MRRF: variants seen among roughly 807,000 people sequenced by gnomAD.
MRRF encodes ribosome-recycling factor, mitochondrial.
MRRF carries 18 observed loss-of-function variants against 25.1 expected under a neutral mutation model. The observed-to-expected ratio is 0.72, with a 90% CI of 0.50 to 1.06. The LOEUF (loss-of-function observed/expected upper bound fraction) is 1.06, where lower values mean the gene tolerates loss of function less well. Among genes scored for constraint, MRRF ranks in the 50% least tolerant of loss-of-function variants. MRRF has a pLI of 0.00. For missense variants in MRRF, 323 were observed against 319.3 expected, an observed-to-expected ratio of 1.01 and a Z score of -0.09; for synonymous variants, 113 against 112.1, an observed-to-expected ratio of 1.01 and a Z score of -0.05.
At chr9:122,319,257 TCTC>T (rs1835729196) in intron 6 of MRRF, among the ~76,000 whole-genome samples, 1 of 151,334 alleles carries the variant, frequency 6.6e-6, no homozygotes, top group Admixed American at 6.6e-5. Flanking sequence ...TTCACGCTGT[TCTC>T]CTGCCCCAGC....
Position 122,329,551 on chromosome 9 carries a change from C to T in MRRF, c.*6934C>T, listed in dbSNP as rs1267902373. The T allele has an allele frequency of 6.6e-6, 1 of 152,316 alleles. No individual in the cohort carries two copies. The highest frequency in any genetic ancestry group is 6.5e-5 in the Admixed American group (1 of 15,286). The allele number at this position is 152,316 out of a possible 1,614,324, so 9.4% of individuals were successfully genotyped here. A position where few individuals can be genotyped will look rare whatever the true frequency, so the allele number is the denominator to read the frequency against. On this transcript the variant is annotated 3_prime_UTR_variant, in exon 7 of 7. Transcript: ENST00000344641. ...GTTCAGCTACCCACCTGCGTTTCCT[C>T]TCTCAGGAAAAGCCTCACCATCCAC...
At chr9:122,285,065 A>G in intron 3 of MRRF, 104 bp from the exon 4 acceptor site, 1 of 757,918 alleles carries the variant, frequency 1.3e-6, no homozygotes. Context: ...CTGGGATAAC[A>G]GGCATGAGCC....
At chr9:122,320,306 G>T (rs944420577) in intron 6 of MRRF, among the ~76,000 whole-genome samples, 5 of 152,074 alleles carry the variant, frequency 3.3e-5, no homozygotes, top group African/African-American at 1.2e-4. Context: ...GTCAAAGTGG[G>T]GAAATGACCT....
chr9:122,289,551 C>T (rs996375247), intron 4 of MRRF, among the ~76,000 whole-genome samples: 4 of 151,148 alleles, frequency 2.6e-5, no homozygotes, highest in Non-Finnish European at 5.9e-5. Context: ...GAATGGACTA[C>T]CCCTTCACAA....
chr9:122,291,329 A>G (rs1833748635), intron 4 of MRRF, among the ~76,000 whole-genome samples: 1 of 152,218 alleles, frequency 6.6e-6, no homozygotes, highest in Admixed American at 6.5e-5. Context: ...TACTCATTCC[A>G]AATCGGCACT....
intron 2 of MRRF, 85 bp from the exon 3 acceptor site, chr9:122,280,358 G>C: frequency 7.0e-7 from 1 of 1,427,420 alleles, no homozygotes. Flanking sequence ...ATTTTTCCCT[G>C]TACATAGTAG....
intron 5 of MRRF, among the ~76,000 whole-genome samples, chr9:122,298,037 T>C (rs1834205878): frequency 6.6e-6 from 1 of 152,200 alleles, no homozygotes; most frequent in Admixed American, 6.5e-5. Flanking sequence ...TTTTTATACA[T>C]GAGCAAAGTC....
At chr9:122,287,259 C>T (rs964693579) in intron 4 of MRRF, among the ~76,000 whole-genome samples, 7 of 152,190 alleles carry the variant, frequency 4.6e-5, no homozygotes, top group Non-Finnish European at 7.3e-5. Context: ...GTAGGAATGT[C>T]TAATTTGCTC....
chr9:122,306,159 AATAATATTATTG>A lies in MRRF; in HGVS notation c.552-7063_552-7052del, dbSNP rs1488784041. 3.3e-4 allele frequency among the ~76,000 whole-genome samples: 50 copies of A among 152,302 alleles called. No individual in the cohort carries two copies. The South Asian group carries it at 0.01, about 31-fold the overall frequency. ...AGGAAACATCACAATTACTTTTATT[AATAATATTATTG>A]ATAACTTAAAATAGTTTATTACCTA... On this transcript the variant is annotated intron_variant, in intron 5 of 6. Transcript: ENST00000344641.
At chr9:122,305,138 C>G (rs766663722) in intron 5 of MRRF, among the ~76,000 whole-genome samples, 9 of 152,072 alleles carry the variant, frequency 5.9e-5, no homozygotes, top group Non-Finnish European at 1.2e-4. Flanking sequence ...TAGCTGGGCA[C>G]TCTCTCTCAC....
chr9:122,266,653 C>A (rs764455489), intron 1 of MRRF, among the ~76,000 whole-genome samples: 2 of 152,166 alleles, frequency 1.3e-5, no homozygotes, highest in Non-Finnish European at 2.9e-5. Flanking sequence ...TATACAGCTG[C>A]ATTGAAAAGA....
rs66775611 is a variant in MRRF at position 122,304,062 on chromosome 9, A to AACACACAC, written c.552-9134_552-9127dup. ...GGAAATACTGGTAATACCCTTTTCTAACACACACACACACACACACACACA... is the reference window on the plus strand; with the variant it reads ...GGAAATACTGGTAATACCCTTTTCTAACACACACACACACACACACACACACACACACA... On this transcript the variant is annotated intron_variant, in intron 5 of 6. Coordinates refer to ENST00000344641, the MANE Select transcript of MRRF (RefSeq NM_138777.5). Among the ~76,000 whole-genome samples the AACACACAC allele has an allele frequency of 6.3e-3, 882 of 139,864 alleles. 12 individuals carry two copies. Among genetic ancestry groups the AACACACAC allele is most frequent in the South Asian group, 0.044 (183 of 4,144 alleles). The allele number at this position is 139,864 out of a possible 152,430, so 91.8% of individuals were successfully genotyped here.
intron 4 of MRRF, among the ~76,000 whole-genome samples, chr9:122,290,904 T>TACATCAGCTACATGAAG (rs1296009214): frequency 4.6e-5 from 7 of 152,228 alleles, no homozygotes; most frequent in African/African-American, 1.7e-4. Flanking sequence ...AGGTTAGCAG[T>TACATCAGCTACATGAAG]ACATCAGCTA....
At chr9:122,296,178 CCATTGAGTCTT>C (rs1834074448) in intron 5 of MRRF, among the ~76,000 whole-genome samples, 1 of 151,974 alleles carries the variant, frequency 6.6e-6, no homozygotes, top group Admixed American at 6.6e-5. Context: ...AGGTAAATAA[CCATTGAGTCTT>C]AGGGGCTCTG....
At chr9:122,287,203 C>G (rs1833469977) in intron 4 of MRRF, among the ~76,000 whole-genome samples, 1 of 152,170 alleles carries the variant, frequency 6.6e-6, no homozygotes, top group African/African-American at 2.4e-5. Context: ...CATTTGTGTA[C>G]ACATTTATTT....
At chr9:122,312,409 C>T in intron 5 of MRRF, among the ~76,000 whole-genome samples, 1 of 152,186 alleles carries the variant, frequency 6.6e-6, no homozygotes, top group East Asian at 1.9e-4. Context: ...CTTATTCTTT[C>T]TCAAAATTCT....
intron 2 of MRRF, among the ~76,000 whole-genome samples, chr9:122,279,648 T>G (rs980521856): frequency 1.3e-5 from 2 of 152,222 alleles, no homozygotes; most frequent in African/African-American, 4.8e-5. Flanking sequence ...AGAATGTATA[T>G]GAAAAATCAC....
At chr9:122,306,285 G>A (rs560496763) in intron 5 of MRRF, among the ~76,000 whole-genome samples, 1 of 152,306 alleles carries the variant, frequency 6.6e-6, no homozygotes, top group Admixed American at 6.5e-5. Context: ...CCCTGCACTT[G>A]ACAGTTGAGG....
chr9:122,284,399 T>G (rs1192344852), intron 3 of MRRF, among the ~76,000 whole-genome samples: 2 of 152,188 alleles, frequency 1.3e-5, no homozygotes, highest in African/African-American at 4.8e-5. Flanking sequence ...AATAATGCAG[T>G]GTTACAGGGT....
Sources: allele counts gnomAD v4.1 joint callset (sites outside exome capture counted in the v4.1 genomes callset), GRCh38; gene constraint gnomAD v4.1.1; transcripts MANE v1.5; gene names NCBI Gene and HGNC (gene_info 2026-07-23, HGNC 2026-07-21).